Variants in SEC24C observed in about 807,000 individuals in gnomAD.
SEC24C encodes the protein protein transport protein Sec24C.
A neutral mutation model predicts 117.0 loss-of-function variants in SEC24C; 22 were observed. The ratio of observed to expected loss-of-function variants is 0.19; its 90% confidence interval spans 0.13 to 0.27. The LOEUF is 0.27. Ranked by LOEUF, SEC24C falls within the 10% of genes least tolerant of loss-of-function variation. The pLI is 1.00. For missense variants in SEC24C, 1,155 were observed against 1,375.1 expected (o/e 0.84, Z 2.53); for synonymous variants, 506 against 529.4 (o/e 0.96, Z 0.61).
Position 73,766,356 on chromosome 10 carries a change from T to C in SEC24C, c.1614T>C (p.Gly538=). The C allele has an allele frequency of 1.3e-6, 2 of 1,599,630 alleles. No individual in the cohort carries two copies. The highest frequency in any genetic ancestry group is 1.7e-6 in the Non-Finnish European group (2 of 1,170,514). Residue 538 remains glycine (G), a synonymous_variant, in exon 12 of 23, where the codon GGT becomes GGC. Transcript: ENST00000345254. ...ACAATGTCACCTTCTACAGGGAGGG[T>C]GGGGCAGAAGAGTCAGCAATCCGCG... The part of the protein sequence containing the change: ...KSLLDFLPRE[G]GAEESAIRVG...
At chr10:73,758,166 T>C (rs990217532) in intron 3 of SEC24C, among the ~76,000 whole-genome samples, 4 of 150,308 alleles carry the variant, frequency 2.7e-5, no homozygotes, top group African/African-American at 9.8e-5. Flanking sequence ...ACCCAGGAGG[T>C]GGAGGTTGTG....
chr10:73,766,435 T>G lies in SEC24C; in HGVS notation c.1693T>G (p.Leu565Val). The change falls in exon 12 of 23, where the codon TTG becomes GTG. Residue 565 changes from leucine (L) to valine (V), a missense_variant. Transcript: ENST00000345254. ...CCACTTCTATAATGTGAAGAGCTCA[T>G]TGGCCCAGCCACAGATGATGGTTGT... The part of the protein sequence containing the change: ...VLHFYNVKSS[L>V]AQPQMMVVSD... 6.2e-7 allele frequency: 1 copy of G among 1,614,222 alleles called. No homozygotes were observed. The highest frequency in any genetic ancestry group is 8.5e-7 in the Non-Finnish European group (1 of 1,180,044).
At chr10:73,745,441 A>T (rs2082532121) in intron 1 of SEC24C, among the ~76,000 whole-genome samples, 1 of 151,832 alleles carries the variant, frequency 6.6e-6, no homozygotes, top group African/African-American at 2.4e-5. Flanking sequence ...TCTAACTCTA[A>T]CTTTGCCCCT....
At chr10:73,763,667 C>CTTTTTTTTTTTTTGT in intron 7 of SEC24C, 66 bp downstream of exon 7, 1 of 56,932 alleles carries the variant, frequency 1.8e-5, no homozygotes. Flanking sequence ...ATGGTTGGGG[C>CTTTTTTTTTTTTTGT]TTTTTTTTTT....
chr10:73,763,546 A>G lies in SEC24C; in HGVS notation c.1044A>G (p.Gly348=). ...NNRGTEPFVT[G]VRGQVPPLVT... ...GGGGTACAGAGCCATTTGTTACTGG[A>G]GTACGGGGCCAGGTGCCACCCTTAG... is the stretch of plus-strand genomic sequence containing the variant. Residue 348 remains glycine (G), a synonymous_variant, in exon 7 of 23, where the codon GGA becomes GGG. Coordinates refer to ENST00000345254, the MANE Select transcript of SEC24C (RefSeq NM_198597.3). 1 of 1,613,122 alleles carries G rather than the reference A, an allele frequency of 6.2e-7. No homozygotes were observed. Among genetic ancestry groups the G allele is most frequent in the Non-Finnish European group, 8.5e-7 (1 of 1,179,598 alleles).
rs2082867970 is a variant in SEC24C at position 73,765,445 on chromosome 10, C to T, written c.1228-6C>T. On this transcript the variant is annotated splice_polypyrimidine_tract_variant and splice_region_variant and intron_variant, in intron 8 of 22. Coordinates refer to ENST00000345254, the MANE Select transcript of SEC24C (RefSeq NM_198597.3). Reference sequence around the variant, plus strand: ...TATGTCTGATCCCTTCCCCTTTGCGCCTTAGGCTTCACCGTATGTTGTGGA... The same window carrying T: ...TATGTCTGATCCCTTCCCCTTTGCGTCTTAGGCTTCACCGTATGTTGTGGA... 1 of 1,608,976 alleles carries T rather than the reference C, an allele frequency of 6.2e-7. No individual in the cohort carries two copies. The highest frequency in any genetic ancestry group is 8.5e-7 in the Non-Finnish European group (1 of 1,175,590).
chr10:73,762,442 T>G (rs1235704914), intron 6 of SEC24C, among the ~76,000 whole-genome samples: 1 of 152,120 alleles, frequency 6.6e-6, no homozygotes, highest in African/African-American at 2.4e-5. Context: ...AAGCTTTGGC[T>G]TTAGTTCTGC....
At chr10:73,761,212 T>C (rs905043093) in intron 6 of SEC24C, among the ~76,000 whole-genome samples, 5 of 152,198 alleles carry the variant, frequency 3.3e-5, no homozygotes, top group African/African-American at 1.2e-4. Flanking sequence ...GCATTCTTCC[T>C]AATGGGTAGA....
At chr10:73,763,372 T>G (rs1037665051) in intron 6 of SEC24C, 118 bp from the exon 7 acceptor site, 5 of 609,592 alleles carry the variant, frequency 8.2e-6, no homozygotes, top group African/African-American at 7.3e-5. Context: ...GTGTATGAGG[T>G]GTTCCTTGGC....
intron 22 of SEC24C, 76 bp downstream of exon 22, chr10:73,770,874 G>GT (rs2082969600): frequency 6.2e-7 from 1 of 1,612,736 alleles, no homozygotes; most frequent in South Asian, 1.1e-5. Context: ...TGGGGAATGA[G>GT]TAAGTGACTG....
At chr10:73,762,287 C>G (rs2082809190) in intron 6 of SEC24C, 1 of 629,480 alleles carries the variant, frequency 1.6e-6, no homozygotes, top group Non-Finnish European at 2.5e-6. Context: ...CTTCCTTTAG[C>G]CTAGCCCTTC....
At chr10:73,748,284 C>T (rs932923386) in intron 2 of SEC24C, among the ~76,000 whole-genome samples, 2 of 145,504 alleles carry the variant, frequency 1.4e-5, no homozygotes, top group Non-Finnish European at 3.0e-5. Flanking sequence ...TACAGGCTCC[C>T]GCCACCATGC....
In SEC24C at chr10:73,746,813, A is replaced by T; in HGVS notation, c.-20A>T. 6.3e-7 allele frequency: 1 copy of T among 1,590,608 alleles called. No homozygotes were observed. The highest frequency in any genetic ancestry group is 8.6e-7 in the Non-Finnish European group (1 of 1,165,072). On this transcript the variant is annotated 5_prime_UTR_variant, in exon 2 of 23. Coordinates refer to ENST00000345254, the MANE Select transcript of SEC24C (RefSeq NM_198597.3). ...TCTCCTCTCTCTCACAGGTGAGATCAAATTGGGAATGCTTTCATAATGAAC... is the reference window on the plus strand; with the variant it reads ...TCTCCTCTCTCTCACAGGTGAGATCTAATTGGGAATGCTTTCATAATGAAC...
At position 73,766,850 on chromosome 10, in the gene SEC24C, G is replaced by T. The variant is rs751826223; in HGVS notation, c.1890G>T (p.Leu630=). The T allele has an allele frequency of 1.9e-5, 30 of 1,613,786 alleles. No individual in the cohort carries two copies. Among genetic ancestry groups the T allele is most frequent in the Non-Finnish European group, 2.5e-5 (30 of 1,179,762 alleles). The change falls in exon 13 of 23, where the codon CTG becomes CTT. Residue 630 remains leucine, a synonymous_variant. Coordinates refer to ENST00000345254, the MANE Select transcript of SEC24C (RefSeq NM_198597.3). The part of the protein sequence containing the change: ...VPVIQAGMEA[L]KAAECAGKLF... ...TTATCCAGGCTGGAATGGAGGCTCT[G>T]AAGGTAAGGCTGGAGTATCGGGCAA...
chr10:73,758,856 TG>T (rs2082751982), intron 3 of SEC24C, among the ~76,000 whole-genome samples: 9 of 152,210 alleles, frequency 5.9e-5, no homozygotes, highest in Admixed American at 5.9e-4. Context: ...GGTTTTTGTG[TG>T]TGTGTGTGTG....
At chr10:73,766,050 C>T in intron 10 of SEC24C, 36 bp from the exon 11 acceptor site, 1 of 1,606,430 alleles carries the variant, frequency 6.2e-7, no homozygotes, top group South Asian at 1.1e-5. Context: ...GCCTGCTTAC[C>T]ATTCCCCCTC....
rs201121390 is a variant in SEC24C at position 73,770,406 on chromosome 10, G to A, written c.2989G>A (p.Val997Ile). 82 of 1,613,972 alleles carry A rather than the reference G, an allele frequency of 5.1e-5. No individual in the cohort carries two copies. Among genetic ancestry groups the A allele is most frequent in the South Asian group, 3.6e-4 (33 of 91,064 alleles). The change falls in exon 21 of 23, where the codon GTC (valine) becomes ATC (isoleucine). Residue 997 changes from valine to isoleucine, a missense_variant. Coordinates refer to ENST00000345254, the MANE Select transcript of SEC24C (RefSeq NM_198597.3). ...CCTCTTCCTCTGGGTGGGAGCAAGC[G>A]TCCAACAGGGTGTTGTCCAGAGCCT... The part of the protein sequence containing the change: ...LNLFLWVGAS[V>I]QQGVVQSLFS...
chr10:73,766,642 G>A, intron 12 of SEC24C, 101 bp downstream of exon 12: 3 of 1,457,110 alleles, frequency 2.1e-6, no homozygotes, highest in Non-Finnish European at 2.8e-6. Flanking sequence ...ATGGAAAGGG[G>A]TTGTGGCCCA....
Position 73,771,145 on chromosome 10 carries a change from C to G in SEC24C, c.*50C>G, listed in dbSNP as rs774153412. 3 of 1,588,514 alleles carry G rather than the reference C, an allele frequency of 1.9e-6. No individual in the cohort carries two copies. Among genetic ancestry groups the G allele is most frequent in the Non-Finnish European group, 1.7e-6 (2 of 1,168,030 alleles). On this transcript the variant is annotated 3_prime_UTR_variant, in exon 23 of 23. Transcript: ENST00000345254. ...CCCAGGCTAGCTTCCAGAAAGCACCCCAGGATGTCAGAGAAATTGGGACAG... is the reference window on the plus strand; with the variant it reads ...CCCAGGCTAGCTTCCAGAAAGCACCGCAGGATGTCAGAGAAATTGGGACAG...
Sources: gnomAD v4.1 joint callset for allele counts (sites outside exome capture counted in the v4.1 genomes callset) on GRCh38, gnomAD v4.1.1 for gene constraint, MANE v1.5 for transcripts, NCBI Gene and HGNC (gene_info 2026-07-23, HGNC 2026-07-21) for gene names.